Variants in SDK1 observed in about 807,000 individuals in gnomAD.
SDK1 encodes the protein protein sidekick-1.
SDK1 carries 157 observed loss-of-function variants against 245.5 expected under a neutral mutation model. The observed-to-expected ratio is 0.64, with a 90% CI of 0.56 to 0.73. The LOEUF (loss-of-function observed/expected upper bound fraction) is 0.73, where lower values mean the gene tolerates loss of function less well. Ranked by LOEUF, SDK1 falls within the 30% of genes least tolerant of loss-of-function variation. SDK1 has a pLI of 0.00. For missense variants in SDK1, 3,583 were observed against 3,002.3 expected (o/e 1.19, Z -4.52); for synonymous variants, 1,647 against 1,278.5 (o/e 1.29, Z -6.15).
At chr7:3,951,494 C>T (rs552220611) in intron 6 of SDK1, among the ~76,000 whole-genome samples, 1 of 152,296 alleles carries the variant, frequency 6.6e-6, no homozygotes, top group East Asian at 1.9e-4. Context: ...ACTTATGGTC[C>T]ATTGCTGCGG....
chr7:4,151,453 G>C (rs745580854), intron 30 of SDK1, among the ~76,000 whole-genome samples: 16 of 152,214 alleles, frequency 1.1e-4, no homozygotes, highest in Non-Finnish European at 2.4e-4. Context: ...CCGTATGCTG[G>C]CGGGTTGGAA....
chr7:3,555,713 C>T (rs1368401912), intron 1 of SDK1, among the ~76,000 whole-genome samples: 1 of 152,014 alleles, frequency 6.6e-6, no homozygotes, highest in African/African-American at 2.4e-5. Flanking sequence ...GGAGTTCAAG[C>T]AACTCTATAG....
At chr7:3,696,046 G>A (rs529193678) in intron 4 of SDK1, among the ~76,000 whole-genome samples, 13 of 152,016 alleles carry the variant, frequency 8.6e-5, no homozygotes, top group East Asian at 3.9e-4. Flanking sequence ...TCTTCTCCGC[G>A]TTCCGGTTTT....
chr7:3,427,212 A>G (rs995206841), intron 1 of SDK1, among the ~76,000 whole-genome samples: 3 of 152,170 alleles, frequency 2.0e-5, no homozygotes, highest in Admixed American at 1.3e-4. Flanking sequence ...TAAAACTGGT[A>G]TTGATGTAGT....
At position 4,161,833 on chromosome 7, in the gene SDK1, T is replaced by A; in HGVS notation, c.4777T>A (p.Ser1593Thr). ...GSVSATPHTT[S>T]SVLIQWQPPR... Reference sequence around the variant, plus strand: ...TGTCTCAGCGACGCCACACACCACGTCCTCTGTCCTGATACAGTGGCAGGT... The same window carrying A: ...TGTCTCAGCGACGCCACACACCACGACCTCTGTCCTGATACAGTGGCAGGT... Residue 1593 changes from serine (S) to threonine (T), a missense_variant, in exon 32 of 45, where the codon TCC becomes ACC. Transcript: ENST00000404826. The A allele has an allele frequency of 1.2e-6, 2 of 1,614,120 alleles. No individual in the cohort carries two copies. Among genetic ancestry groups the A allele is most frequent in the Non-Finnish European group, 1.7e-6 (2 of 1,179,988 alleles).
chr7:4,193,534 C>T (rs994233182), intron 35 of SDK1, among the ~76,000 whole-genome samples: 1 of 151,730 alleles, frequency 6.6e-6, no homozygotes, highest in African/African-American at 2.4e-5. Flanking sequence ...TCAGTGTCCC[C>T]AGCTTCATCA....
intron 28 of SDK1, among the ~76,000 whole-genome samples, chr7:4,136,170 C>A (rs1779076655): frequency 2.0e-5 from 3 of 152,216 alleles, no homozygotes; most frequent in Admixed American, 1.3e-4. Context: ...GCGAGGCAGA[C>A]AACGTCACTG....
intron 1 of SDK1, among the ~76,000 whole-genome samples, chr7:3,450,471 T>C (rs907788156): frequency 1.3e-5 from 2 of 152,088 alleles, no homozygotes; most frequent in African/African-American, 2.4e-5. Context: ...TTTTAAGAAG[T>C]AGCAGTGCTA....
At chr7:4,232,960 A>G (rs901222863) in intron 40 of SDK1, 5 of 268,478 alleles carry the variant, frequency 1.9e-5, no homozygotes, top group Non-Finnish European at 3.6e-5. Flanking sequence ...ATACATACAT[A>G]TATTTACTGT....
At chr7:3,482,524 C>G (rs139342690) in intron 1 of SDK1, among the ~76,000 whole-genome samples, 3 of 152,164 alleles carry the variant, frequency 2.0e-5, no homozygotes, top group Non-Finnish European at 4.4e-5. Flanking sequence ...AATCTCTGCG[C>G]AGAAGAGAGA....
intron 4 of SDK1, among the ~76,000 whole-genome samples, chr7:3,649,665 G>A (rs187813427): frequency 6.6e-6 from 1 of 152,138 alleles, no homozygotes; most frequent in Admixed American, 6.5e-5. Context: ...CTTCACGGCA[G>A]CCCAGCGGTT....
chr7:3,418,049 A>G (rs1307888638), intron 1 of SDK1, among the ~76,000 whole-genome samples: 3 of 151,602 alleles, frequency 2.0e-5, no homozygotes, highest in African/African-American at 7.3e-5. Context: ...AGAATCTGCC[A>G]GATTACAACA....
At chr7:3,498,774 A>C (rs1782103595) in intron 1 of SDK1, among the ~76,000 whole-genome samples, 1 of 148,216 alleles carries the variant, frequency 6.7e-6, no homozygotes. Flanking sequence ...ATACATTCTC[A>C]TCCACAATCA....
chr7:3,374,802 T>A (rs572208566), intron 1 of SDK1, among the ~76,000 whole-genome samples: 1 of 152,266 alleles, frequency 6.6e-6, no homozygotes, highest in South Asian at 2.1e-4. Flanking sequence ...CTTTTTAAAA[T>A]TTTTCAGAAT....
At chr7:3,505,368 C>G (rs1035525953) in intron 1 of SDK1, among the ~76,000 whole-genome samples, 26 of 152,124 alleles carry the variant, frequency 1.7e-4, no homozygotes, top group African/African-American at 6.3e-4. Flanking sequence ...CCTCCTGCCT[C>G]TGCCTCCCAA....
chr7:3,454,185 C>G (rs1780604003), intron 1 of SDK1, among the ~76,000 whole-genome samples: 1 of 151,896 alleles, frequency 6.6e-6, no homozygotes, highest in Non-Finnish European at 1.5e-5. Flanking sequence ...TTTGGAGGCA[C>G]CATACAGTAA....
chr7:3,462,719 A>G (rs557078277), intron 1 of SDK1, among the ~76,000 whole-genome samples: 309 of 151,498 alleles, frequency 2.0e-3, no homozygotes, highest in Non-Finnish European at 3.7e-3. Flanking sequence ...CACCTCAAAC[A>G]CCTCTGTGAT....
chr7:3,461,118 C>T (rs989695631), intron 1 of SDK1, among the ~76,000 whole-genome samples: 2 of 152,044 alleles, frequency 1.3e-5, no homozygotes, highest in Admixed American at 6.6e-5. Flanking sequence ...ATGTGTTGTA[C>T]AAACCAATTA....
At chr7:3,402,320 G>A (rs749244899) in intron 1 of SDK1, among the ~76,000 whole-genome samples, 1 of 152,166 alleles carries the variant, frequency 6.6e-6, no homozygotes, top group Non-Finnish European at 1.5e-5. Context: ...GAGTAATGGA[G>A]GAGGTACTTC....
Sources: allele counts gnomAD v4.1 joint callset (sites outside exome capture counted in the v4.1 genomes callset), GRCh38; gene constraint gnomAD v4.1.1; transcripts MANE v1.5; gene names NCBI Gene and HGNC (gene_info 2026-07-23, HGNC 2026-07-21).